The following RBM12 variants were observed in gnomAD, a reference collection of about 807,000 sequenced individuals.
The protein encoded by RBM12 is RNA binding motif protein 12, also known as RNA-binding protein 12.
In RBM12, 24 loss-of-function variants were observed where a neutral mutation model predicts 37.2. The ratio of observed to expected loss-of-function variants is 0.65; its 90% CI spans 0.47 to 0.91. The LOEUF (loss-of-function observed/expected upper bound fraction) is 0.91, where lower values mean the gene tolerates loss of function less well. RBM12 is among the 40% of genes least tolerant of loss of function. The pLI, the probability that RBM12 is intolerant of heterozygous loss-of-function variation, is 0.00. For synonymous variants in RBM12, 420 were observed against 425.2 expected, an observed-to-expected ratio of 0.99 and a Z score of 0.15; for missense variants, 1,061 against 1,183.2, an observed-to-expected ratio of 0.90 and a Z score of 1.52.
rs1368238484 is a variant in RBM12 at position 35,650,816 on chromosome 20, A to G, written c.*1708T>C. 6.6e-6 allele frequency: 1 copy of G among 152,642 alleles called. No homozygotes were observed. Among genetic ancestry groups the G allele is most frequent in the Non-Finnish European group, 1.5e-5 (1 of 68,028 alleles). 9.5% of individuals were successfully genotyped at this position (152,642 alleles called of 1,614,324 possible). On this transcript the variant is annotated 3_prime_UTR_variant, in exon 3 of 3. Transcript: ENST00000374114. Reference sequence around the variant, plus strand: ...GTATTTCAGTGTTCCACTGACTCACAACACCAAAAAGGCACTGTATATATA... The same window carrying G: ...GTATTTCAGTGTTCCACTGACTCACGACACCAAAAAGGCACTGTATATATA...
Position 35,654,668 on chromosome 20 carries a change from G to C in RBM12, c.655C>G (p.Pro219Ala). 6.2e-7 allele frequency: 1 copy of C among 1,613,630 alleles called. No homozygotes were observed. The highest frequency in any genetic ancestry group is 1.7e-5 in the Admixed American group (1 of 60,024). The part of the protein sequence containing the change: ...PVPPPVPTLP[P>A]VPPVPPIPPV... The stretch of plus-strand genomic sequence containing the variant: ...GGAATCGGGGGCACAGGAGGCACAG[G>C]AGGCAATGTAGGTACTGGAGGAGGA... Residue 219 changes from proline to alanine, a missense_variant, in exon 3 of 3, where the codon CCT becomes GCT. By Grantham distance (27) the Pro-to-Ala change is conservative (BLOSUM62 -1). Coordinates refer to ENST00000374114, the MANE Select transcript of RBM12 (RefSeq NM_006047.6).
In RBM12 at chr20:35,655,161, C is replaced by T; in HGVS notation, c.162G>A (p.Arg54=). Residue 54 remains arginine (R), a synonymous_variant, in exon 3 of 3, where the codon AGG becomes AGA. Transcript: ENST00000374114. ...TACCACCTGTGCGCATCATACCAAG[C>T]CTTGCATCTTCATCAGTGGCAAAAA... The part of the protein sequence containing the change: ...FIVFATDEDA[R]LGMMRTGGTI... 1.9e-6 allele frequency: 3 copies of T among 1,614,198 alleles called. No individual in the cohort carries two copies. The highest frequency in any genetic ancestry group is 2.5e-6 in the Non-Finnish European group (3 of 1,180,040).
In RBM12 at chr20:35,652,268, T is replaced by A. The variant is rs1454660093; in HGVS notation, c.*256A>T. The A allele has an allele frequency of 2.8e-6, 1 of 362,726 alleles. No homozygotes were observed. The highest frequency in any genetic ancestry group is 4.9e-5 in the East Asian group (1 of 20,412). The allele number at this position is 362,726 out of a possible 1,614,324, so 22.5% of individuals were successfully genotyped here. On this transcript the variant is annotated 3_prime_UTR_variant, in exon 3 of 3. Transcript: ENST00000374114. ...AAGCTTTATGTGGTCATTTGAGTTT[T>A]ACAAATGGTTTCTCTAATGGTATGC...
rs1221577267 is a variant in RBM12 at position 35,653,669 on chromosome 20, G to C, written c.1654C>G (p.Pro552Ala). The C allele has an allele frequency of 6.2e-7, 1 of 1,614,156 alleles. No homozygotes were observed. The highest frequency in any genetic ancestry group is 1.7e-5 in the Admixed American group (1 of 60,024). The change falls in exon 3 of 3, where the codon CCA becomes GCA. Residue 552 changes from proline (P) to alanine (A), a missense_variant. Coordinates refer to ENST00000374114, the MANE Select transcript of RBM12 (RefSeq NM_006047.6). ...AKVCAHITNI[P>A]FSITKMDVLQ... is the part of the protein sequence containing the mutation. The stretch of plus-strand genomic sequence containing the variant: ...ACATCCATCTTTGTAATGCTGAATG[G>C]AATATTTGTTATGTGGGCACAGACT...
rs1336015037 is a variant in RBM12 at position 35,654,451 on chromosome 20, T to C, written c.872A>G (p.Gln291Arg). Residue 291 changes from glutamine (Q) to arginine (R), a missense_variant, in exon 3 of 3, where the codon CAG becomes CGG. By Grantham distance (43) the Gln-to-Arg change is conservative. Around this residue, in one of 3 missense-constraint regions of RBM12, gnomAD observed 540 missense variants for 632.7 expected, o/e 0.85. Transcript: ENST00000374114. Reference protein sequence around the residue: ...NPVNPIQMNSQSSVKPLPINP... With the variant: ...NPVNPIQMNSRSSVKPLPINP... ...GATGGGGAGTGGCTTCACACTGCTC[T>C]GAGAGTTCATCTGGATAGGGTTAAC... 1.2e-6 allele frequency: 2 copies of C among 1,614,224 alleles called. No homozygotes were observed. Among genetic ancestry groups the C allele is most frequent in the African/African-American group, 1.3e-5 (1 of 75,054 alleles).
Position 35,654,978 on chromosome 20 carries a change from G to C in RBM12, c.345C>G (p.Ser115Arg). The C allele has an allele frequency of 6.2e-7, 1 of 1,614,118 alleles. No homozygotes were observed. The highest frequency in any genetic ancestry group is 8.5e-7 in the Non-Finnish European group (1 of 1,180,016). Reference protein sequence around the residue: ...SGPPPSSGMSSRVNLPTTVSN... With the variant: ...SGPPPSSGMSRRVNLPTTVSN... ...ATACTGTTGTGGGCAAGTTTACCCT[G>C]CTACTCATTCCTGAGCTAGGTGGTG... The change falls in exon 3 of 3, where the codon AGC becomes AGG. Residue 115 changes from serine to arginine, a missense_variant. By Grantham distance (110) the Ser-to-Arg change is moderately radical (BLOSUM62 -1). This residue lies in a region of RBM12 where 540 missense variants were observed against 632.7 expected (regional missense o/e 0.85). Transcript: ENST00000374114.
intron 2 of RBM12, among the ~76,000 whole-genome samples, chr20:35,656,106 T>C (rs939600187): frequency 6.6e-6 from 1 of 152,208 alleles, no homozygotes; most frequent in Non-Finnish European, 1.5e-5. Flanking sequence ...AACCTGGTTA[T>C]AGTCCCATTC....
Position 35,655,287 on chromosome 20 carries a change from A to G in RBM12, c.36T>C (p.Ile12=). 1 of 1,612,154 alleles carries G rather than the reference A, an allele frequency of 6.2e-7. No individual in the cohort carries two copies. Residue 12 remains isoleucine, a synonymous_variant, in exon 3 of 3, where the codon ATT becomes ATC. Coordinates refer to ENST00000374114, the MANE Select transcript of RBM12 (RefSeq NM_006047.6). ...AVVIRLQGLP[I]VAGTMDIRHF... is the part of the protein sequence containing the mutation. ...GGCGAATGTCCATGGTCCCCGCCACAATTGGGAGACCTTGCAAACGGATGA... is the reference window on the plus strand; with the variant it reads ...GGCGAATGTCCATGGTCCCCGCCACGATTGGGAGACCTTGCAAACGGATGA...
chr20:35,658,486 G>T (rs1456925366), intron 2 of RBM12, among the ~76,000 whole-genome samples: 1 of 151,986 alleles, frequency 6.6e-6, no homozygotes. Flanking sequence ...CACCGGCCTG[G>T]GTGGCGGCTC....
At position 35,652,879 on chromosome 20, in the gene RBM12, G is replaced by T. The variant is rs576093977; in HGVS notation, c.2444C>A (p.Ala815Asp). The T allele has an allele frequency of 6.2e-7, 1 of 1,613,216 alleles. No homozygotes were observed. The highest frequency in any genetic ancestry group is 1.3e-5 in the African/African-American group (1 of 74,918). ...FGSGPPGLGS[A>D]PGHLGGPPAF... ...TGGTGGCCCACCCAAATGCCCAGGG[G>T]CACTTCCAAGACCAGGAGGGCCACT... Residue 815 changes from alanine (A) to aspartate (D), a missense_variant, in exon 3 of 3, where the codon GCC becomes GAC. By Grantham distance (126) the Ala-to-Asp change is moderately radical (BLOSUM62 -2). Coordinates refer to ENST00000374114, the MANE Select transcript of RBM12 (RefSeq NM_006047.6).
In RBM12 at chr20:35,652,802, C is replaced by A; in HGVS notation, c.2521G>T (p.Gly841Cys). The A allele has an allele frequency of 2.5e-6, 4 of 1,607,882 alleles. No individual in the cohort carries two copies. Among genetic ancestry groups the A allele is most frequent in the Non-Finnish European group, 3.4e-6 (4 of 1,177,088 alleles). ...PGPGPGPIHI[G>C]GPPGFASSSG... ...CTAGATGCAAAGCCAGGGGGACCAC[C>A]AATATGGATTGGGCCAGGGCCGGGG... The change falls in exon 3 of 3, where the codon GGT becomes TGT. Residue 841 changes from glycine to cysteine, a missense_variant. By Grantham distance (159) the Gly-to-Cys change is radical (BLOSUM62 -3). Around this residue, in one of 3 missense-constraint regions of RBM12, gnomAD observed 517 missense variants for 534.0 expected, o/e 0.97. Transcript: ENST00000374114.
intron 2 of RBM12, 133 bp downstream of exon 2, chr20:35,658,797 A>G: frequency 1.5e-5 from 8 of 521,590 alleles, no homozygotes; most frequent in South Asian, 1.4e-4. Context: ...AAACAAGCAA[A>G]CAAAAACACA....
rs201722895 is a variant in RBM12 at position 35,653,348 on chromosome 20, C to T, written c.1975G>A (p.Gly659Ser). 1.6e-5 allele frequency: 26 copies of T among 1,613,910 alleles called. No homozygotes were observed. Among genetic ancestry groups the T allele is most frequent in the South Asian group, 1.3e-4 (12 of 91,076 alleles). The change falls in exon 3 of 3, where the codon GGT becomes AGT. Residue 659 changes from glycine to serine, a missense_variant. Around this residue, in one of 3 missense-constraint regions of RBM12, gnomAD observed 517 missense variants for 534.0 expected, o/e 0.97. Transcript: ENST00000374114. The part of the protein sequence containing the change: ...VPGMPNAGLP[G>S]VGLPSAGLPG... ...AGTCCTGCACTGGGCAGTCCCACAC[C>T]GGGCAGTCCCGCATTGGGCATTCCT...
In RBM12 at chr20:35,650,554, CATAT is replaced by C. The variant is rs2033431755; in HGVS notation, c.*1966_*1969del. Reference sequence around the variant, plus strand: ...CTTAACATTAACTTAAATTAAACAGCATATACAAACGTTATATTGCTTTTGAAAT... The same window carrying C: ...CTTAACATTAACTTAAATTAAACAGCACAAACGTTATATTGCTTTTGAAAT... On this transcript the variant is annotated 3_prime_UTR_variant, in exon 3 of 3. Coordinates refer to ENST00000374114, the MANE Select transcript of RBM12 (RefSeq NM_006047.6). 6.6e-6 allele frequency: 1 copy of C among 152,512 alleles called. No homozygotes were observed. The highest frequency in any genetic ancestry group is 2.4e-5 in the African/African-American group (1 of 41,398). The allele number at this position is 152,512 out of a possible 1,614,324, so 9.4% of individuals were successfully genotyped here.
chr20:35,658,694 A>T lies in RBM12; in HGVS notation c.-23+236T>A, dbSNP rs551613882. Among the ~76,000 whole-genome samples the T allele has an allele frequency of 5.3e-5, 8 of 152,112 alleles. No individual in the cohort carries two copies. In the East Asian group the frequency reaches 1.5e-3, roughly 29 times the overall value. On this transcript the variant is annotated intron_variant, in intron 2 of 2. Transcript: ENST00000374114. ...AGAAGTGCTTGAACCCGGGAGGCGG[A>T]GGTTGCAGTGAGCCGAGATGGCACC...
In RBM12 at chr20:35,663,783, T is replaced by C. The variant is rs114163122; in HGVS notation, c.-108+977A>G. 3.5e-3 allele frequency among the ~76,000 whole-genome samples: 537 copies of C among 152,352 alleles called. 5 individuals carry two copies. Among genetic ancestry groups the C allele is most frequent in the African/African-American group, 0.013 (522 of 41,580 alleles). On this transcript the variant is annotated intron_variant, in intron 1 of 2. Coordinates refer to ENST00000374114, the MANE Select transcript of RBM12 (RefSeq NM_006047.6). ...TTTACAACCTAGCAGCTAAGCCTGC[T>C]GCACTGGCGTCCAACCCCGTCACTA...
At chr20:35,655,406 T>G in intron 2 of RBM12, 62 bp from the exon 3 acceptor site, 1 of 1,379,290 alleles carries the variant, frequency 7.3e-7, no homozygotes, top group Non-Finnish European at 9.8e-7. Flanking sequence ...AGTTTTTAGC[T>G]ACAAGAATGA....
rs1463394018 is a variant in RBM12 at position 35,654,911 on chromosome 20, T to A, written c.412A>T (p.Thr138Ser). 1 of 1,614,076 alleles carries A rather than the reference T, an allele frequency of 6.2e-7. No homozygotes were observed. Among genetic ancestry groups the A allele is most frequent in the Non-Finnish European group, 8.5e-7 (1 of 1,179,976 alleles). ...NPSPSVVTAT[T>S]SVHESNKNIQ... ...TTTTTGTTGCTTTCATGAACAGAAG[T>A]GGTGGCAGTAACTACACTGGGTGAT... is the stretch of plus-strand genomic sequence containing the variant. Residue 138 changes from threonine (T) to serine (S), a missense_variant, in exon 3 of 3, where the codon ACT becomes TCT. Thr to Ser is a moderately conservative substitution (Grantham distance 58). Around this residue, in one of 3 missense-constraint regions of RBM12, gnomAD observed 540 missense variants for 632.7 expected, o/e 0.85. Coordinates refer to ENST00000374114, the MANE Select transcript of RBM12 (RefSeq NM_006047.6).
At position 35,652,963 on chromosome 20, in the gene RBM12, C is replaced by T; in HGVS notation, c.2360G>A (p.Gly787Glu). Residue 787 changes from glycine to glutamate, a missense_variant, in exon 3 of 3, where the codon GGG (glycine) becomes GAG (glutamate). By Grantham distance (98) the Gly-to-Glu change is moderately conservative. Transcript: ENST00000374114. Reference protein sequence around the residue: ...NNLSGPSGFGGGPQNFGNGPG... With the variant: ...NNLSGPSGFGEGPQNFGNGPG... Reference sequence around the variant, plus strand: ...GCCATTTCCAAAATTCTGAGGGCCCCCTCCAAATCCCGATGGCCCACTTAA... The same window carrying T: ...GCCATTTCCAAAATTCTGAGGGCCCTCTCCAAATCCCGATGGCCCACTTAA... 1 of 1,613,846 alleles carries T rather than the reference C, an allele frequency of 6.2e-7. No homozygotes were observed. Among genetic ancestry groups the T allele is most frequent in the Non-Finnish European group, 8.5e-7 (1 of 1,180,046 alleles).
Sources: gnomAD v4.1 joint callset for allele counts (sites outside exome capture counted in the v4.1 genomes callset) on GRCh38, gnomAD v4.1.1 for gene constraint, gnomAD v4.1.1 regional missense constraint, MANE v1.5 for transcripts, NCBI Gene and HGNC (gene_info 2026-07-23, HGNC 2026-07-21) for gene names.